Variants in SSPN observed in about 807,000 individuals in gnomAD.
SSPN encodes the protein K-ras oncogene-associated protein.
In SSPN, 15 loss-of-function variants were observed where a neutral mutation model predicts 19.1. That is an observed-to-expected ratio of 0.78 (90% CI 0.52 to 1.21). The LOEUF (loss-of-function observed/expected upper bound fraction) is 1.21. Ranked by LOEUF, SSPN falls within the 50% of genes most tolerant of loss-of-function variation. The pLI, the probability that SSPN is intolerant of heterozygous loss-of-function variation, is 0.00. For synonymous variants in SSPN, 147 were observed against 140.3 expected (o/e 1.05, Z -0.34); for missense variants, 291 against 314.0 (o/e 0.93, Z 0.55).
chr12:26,197,316 A>C (rs1469439848), intron 1 of SSPN, among the ~76,000 whole-genome samples: 1 of 152,192 alleles, frequency 6.6e-6, no homozygotes, highest in Admixed American at 6.5e-5. Context: ...TTAAAACTTT[A>C]ATTTTTGTAC....
chr12:26,142,813 A>G (rs2137407167), intron 1 of SSPN, among the ~76,000 whole-genome samples: 1 of 152,370 alleles, frequency 6.6e-6, no homozygotes, highest in South Asian at 2.1e-4. Context: ...AGGAATAGTC[A>G]GAGAAGAAGG....
At chr12:26,216,844 T>G in intron 1 of SSPN, among the ~76,000 whole-genome samples, 1 of 112,512 alleles carries the variant, frequency 8.9e-6, no homozygotes, top group African/African-American at 3.4e-5. Flanking sequence ...CCTTTCCCCA[T>G]TGCTTGTTTT....
chr12:26,160,062 G>A (rs753633044), intron 1 of SSPN, among the ~76,000 whole-genome samples: 1 of 152,200 alleles, frequency 6.6e-6, no homozygotes, highest in African/African-American at 2.4e-5. Context: ...GCCACTGAGG[G>A]CAAGACTGGG....
intron 1 of SSPN, among the ~76,000 whole-genome samples, chr12:26,177,052 A>C (rs1358254339): frequency 1.3e-5 from 2 of 152,218 alleles, no homozygotes; most frequent in Admixed American, 6.5e-5. Context: ...TTCTTAAGGT[A>C]ATAACAATAC....
upstream of SSPN, among the ~76,000 whole-genome samples, chr12:26,192,969 C>T (rs1229442852): frequency 6.6e-6 from 1 of 152,168 alleles, no homozygotes; most frequent in African/African-American, 2.4e-5. Flanking sequence ...AAATGTTTCA[C>T]TTTTAATTGC....
intron 1 of SSPN, among the ~76,000 whole-genome samples, chr12:26,127,882 C>T (rs1247787879): frequency 3.3e-5 from 5 of 152,152 alleles, no homozygotes; most frequent in Admixed American, 6.5e-5. Flanking sequence ...TATCCCTTTG[C>T]GCAAGAAGGG....
intron 1 of SSPN, chr12:26,123,180 A>G (rs756259178): frequency 5.1e-6 from 8 of 1,577,558 alleles, no homozygotes; most frequent in Non-Finnish European, 5.2e-6. Flanking sequence ...TAGGATGAGG[A>G]AGGGATGGGG....
At chr12:26,195,536 G>A, upstream of SSPN, 1 of 1,262,832 alleles carries the variant, frequency 7.9e-7, no homozygotes, top group Non-Finnish European at 9.9e-7. Context: ...GGCTCGGTGA[G>A]TCGGCTCCAA....
At chr12:26,148,035 G>T (rs1041865495) in intron 1 of SSPN, among the ~76,000 whole-genome samples, 1 of 152,160 alleles carries the variant, frequency 6.6e-6, no homozygotes, top group African/African-American at 2.4e-5. Flanking sequence ...GGATTTTTAA[G>T]ACAATTGGTA....
intron 1 of SSPN, among the ~76,000 whole-genome samples, chr12:26,173,444 C>T (rs182505424): frequency 2.6e-5 from 4 of 152,270 alleles, no homozygotes; most frequent in African/African-American, 9.6e-5. Flanking sequence ...TACTCTGGAG[C>T]CTTTCTTTTT....
intron 1 of SSPN, among the ~76,000 whole-genome samples, chr12:26,208,018 T>TG (rs57868336): frequency 0.04 from 5,353 of 134,540 alleles, 127 homozygotes; most frequent in Middle Eastern, 0.1. Flanking sequence ...GTGGTGGTGG[T>TG]GGGGGGGGGG....
At chr12:26,132,629 C>G (rs1228121758) in intron 1 of SSPN, among the ~76,000 whole-genome samples, 2 of 152,140 alleles carry the variant, frequency 1.3e-5, no homozygotes, top group African/African-American at 4.8e-5. Context: ...TTATATCTAC[C>G]TCCCCAATTT....
At chr12:26,171,992 A>ATACC (rs1422803399) in intron 1 of SSPN, among the ~76,000 whole-genome samples, 2 of 152,226 alleles carry the variant, frequency 1.3e-5, no homozygotes, top group Non-Finnish European at 2.9e-5. Context: ...ATAGTAGCAC[A>ATACC]TACCTGCCTC....
chr12:26,128,057 C>A (rs757651600), intron 1 of SSPN, among the ~76,000 whole-genome samples: 1 of 146,684 alleles, frequency 6.8e-6, no homozygotes, highest in Non-Finnish European at 1.5e-5. Flanking sequence ...AGTGAGATTG[C>A]AAAATATTTC....
intron 1 of SSPN, among the ~76,000 whole-genome samples, chr12:26,178,120 G>A (rs1361445872): frequency 6.6e-6 from 1 of 152,208 alleles, no homozygotes; most frequent in Non-Finnish European, 1.5e-5. Flanking sequence ...CTTCAAGAAA[G>A]CAATGTGACT....
chr12:26,204,089 G>A (rs1412324808), intron 1 of SSPN, among the ~76,000 whole-genome samples: 2 of 152,060 alleles, frequency 1.3e-5, no homozygotes, highest in Non-Finnish European at 2.9e-5. Flanking sequence ...TAGCATTTCC[G>A]GTGAGGGTTA....
Position 26,231,282 on chromosome 12 carries a change from A to T in SSPN, c.*206A>T. ...TTAACATTCTTGCAGAGAAAGCAAG[A>T]TCCAAATTGATTTTGGGATATTAAA... is the stretch of plus-strand genomic sequence containing the variant. On this transcript the variant is annotated 3_prime_UTR_variant, in exon 3 of 3. Coordinates refer to ENST00000242729, the MANE Select transcript of SSPN (RefSeq NM_005086.5). 4.0e-6 allele frequency: 3 copies of T among 749,134 alleles called. No individual in the cohort carries two copies. The East Asian group carries it at 9.8e-5, about 24-fold the overall frequency. 46.4% of individuals were successfully genotyped at this position (749,134 alleles called of 1,614,324 possible).
intron 1 of SSPN, among the ~76,000 whole-genome samples, chr12:26,146,355 C>T (rs920139359): frequency 1.3e-5 from 2 of 152,176 alleles, no homozygotes; most frequent in Non-Finnish European, 2.9e-5. Flanking sequence ...GTCTCACCCT[C>T]GTTCTGACTC....
intron 1 of SSPN, among the ~76,000 whole-genome samples, chr12:26,147,358 C>T (rs111504524): frequency 0.053 from 8,047 of 151,628 alleles, 287 homozygotes; most frequent in Non-Finnish European, 0.084. Flanking sequence ...CTGCAACCTC[C>T]GCCTCCCGGT....
Sources: gnomAD v4.1 joint callset for allele counts (sites outside exome capture counted in the v4.1 genomes callset) on GRCh38, gnomAD v4.1.1 for gene constraint, MANE v1.5 for transcripts, NCBI Gene and HGNC (gene_info 2026-07-23, HGNC 2026-07-21) for gene names.